The following SMOC2 variants were observed in gnomAD, a reference collection of about 807,000 sequenced individuals.
SMOC2 encodes the protein SPARC related modular calcium binding 2, also known as SPARC-related modular calcium-binding protein 2.
SMOC2 carries 39 observed loss-of-function variants against 61.4 expected under a neutral mutation model. The observed-to-expected ratio is 0.64, with a 90% confidence interval of 0.49 to 0.83. The LOEUF is 0.83. Among genes scored for constraint, SMOC2 ranks in the 40% least tolerant of loss-of-function variants. SMOC2 has a pLI of 0.00. For synonymous variants in SMOC2, 247 were observed against 239.9 expected (o/e 1.03, Z -0.27); for missense variants, 556 against 592.9 (o/e 0.94, Z 0.65).
intron 7 of SMOC2, among the ~76,000 whole-genome samples, chr6:168,567,592 A>G (rs899185892): frequency 1.3e-5 from 2 of 152,130 alleles, no homozygotes; most frequent in African/African-American, 2.4e-5. Context: ...TGAGTTTCCA[A>G]TGGTATCTTG....
chr6:168,534,486 C>T (rs1419992162), intron 4 of SMOC2, among the ~76,000 whole-genome samples: 1 of 152,212 alleles, frequency 6.6e-6, no homozygotes, highest in Non-Finnish European at 1.5e-5. Flanking sequence ...CCTGGCCCTT[C>T]CCTGGGTGAT....
Position 168,509,993 on chromosome 6 carries a change from T to C in SMOC2, c.163T>C (p.Ser55Pro). The change falls in exon 2 of 13, where the codon TCT (serine) becomes CCT (proline). Residue 55 changes from serine (S) to proline (P), a missense_variant. Physicochemically the swap from Ser to Pro is moderately conservative, Grantham distance 74. Transcript: ENST00000356284. Reference protein sequence around the residue: ...AGSPQKPLCASDGRTFLSRCE... With the variant: ...AGSPQKPLCAPDGRTFLSRCE... The stretch of plus-strand genomic sequence containing the variant: ...TTCGCCCCAGAAACCTCTCTGCGCA[T>C]CTGACGGAAGGACCTTCCTTTCCCG... 1 of 1,614,192 alleles carries C rather than the reference T, an allele frequency of 6.2e-7. No individual in the cohort carries two copies. Among genetic ancestry groups the C allele is most frequent in the South Asian group, 1.1e-5 (1 of 91,078 alleles).
chr6:168,471,695 A>G (rs1781971209), intron 1 of SMOC2, among the ~76,000 whole-genome samples: 1 of 152,180 alleles, frequency 6.6e-6, no homozygotes, highest in South Asian at 2.1e-4. Context: ...TTTTCTTCAC[A>G]TTCTCACCAA....
chr6:168,516,071 T>C (rs1272795811), intron 2 of SMOC2, among the ~76,000 whole-genome samples: 1 of 152,140 alleles, frequency 6.6e-6, no homozygotes, highest in Non-Finnish European at 1.5e-5. Flanking sequence ...TTTACATTTT[T>C]GGTGGGTGAT....
intron 1 of SMOC2, among the ~76,000 whole-genome samples, chr6:168,485,002 G>A (rs12173548): frequency 0.13 from 19,194 of 152,166 alleles, 2,413 homozygotes; most frequent in East Asian, 0.39. Flanking sequence ...CAAGTTGGAA[G>A]TGGTTCTGGA....
intron 1 of SMOC2, among the ~76,000 whole-genome samples, chr6:168,461,649 A>C (rs1334316582): frequency 6.6e-6 from 1 of 152,202 alleles, no homozygotes; most frequent in Non-Finnish European, 1.5e-5. Flanking sequence ...ATGTTAATTA[A>C]AATCTTGACT....
chr6:168,615,199 C>T, intron 9 of SMOC2, among the ~76,000 whole-genome samples: 1 of 84,326 alleles, frequency 1.2e-5, no homozygotes. Flanking sequence ...ACAGCCAGCA[C>T]AGGGCCTCTT....
chr6:168,450,039 A>G (rs1202132797), intron 1 of SMOC2, among the ~76,000 whole-genome samples: 1 of 145,376 alleles, frequency 6.9e-6, no homozygotes, highest in Non-Finnish European at 1.6e-5. Context: ...GTGCTTATCT[A>G]TCAGGAGGAG....
At chr6:168,648,077 A>G (rs560190048) in intron 9 of SMOC2, among the ~76,000 whole-genome samples, 1 of 151,894 alleles carries the variant, frequency 6.6e-6, no homozygotes, top group East Asian at 1.9e-4. Context: ...GCCAAAAAAA[A>G]TCCCCCTGGG....
At chr6:168,644,475 A>G (rs1163134722) in intron 9 of SMOC2, among the ~76,000 whole-genome samples, 1 of 152,134 alleles carries the variant, frequency 6.6e-6, no homozygotes, top group East Asian at 1.9e-4. Flanking sequence ...TTTTTCTACC[A>G]GAAGACAGAT....
chr6:168,541,051 A>G (rs1783867333), intron 4 of SMOC2, among the ~76,000 whole-genome samples: 2 of 152,216 alleles, frequency 1.3e-5, no homozygotes, highest in Admixed American at 1.3e-4. Flanking sequence ...CTGGATTTGA[A>G]CCAAGTGCTC....
At chr6:168,471,690 T>C (rs73270982) in intron 1 of SMOC2, among the ~76,000 whole-genome samples, 6,452 of 152,328 alleles carry the variant, frequency 0.042, 403 homozygotes, top group African/African-American at 0.14. Context: ...CTCTGTTTTC[T>C]TCACATTCTC....
At chr6:168,559,589 C>T (rs1438797150) in intron 7 of SMOC2, among the ~76,000 whole-genome samples, 1 of 152,154 alleles carries the variant, frequency 6.6e-6, no homozygotes, top group Non-Finnish European at 1.5e-5. Context: ...ATTAATATGG[C>T]CCATGAATAA....
intron 2 of SMOC2, among the ~76,000 whole-genome samples, chr6:168,515,511 A>AT (rs1783108750): frequency 6.7e-6 from 1 of 150,108 alleles, no homozygotes; most frequent in Non-Finnish European, 1.5e-5. Flanking sequence ...GCTGCCTTTG[A>AT]AAAGGGGCTC....
At position 168,454,263 on chromosome 6, in the gene SMOC2, A is replaced by C. The variant is rs1781530369; in HGVS notation, c.84+12809A>C. ...CCCCCAGGAAGGATGAGGAGGCCCA[A>C]GGGCTCTGTGGCTCTGAGAGCTGAG... On this transcript the variant is annotated intron_variant, in intron 1 of 12. Coordinates refer to ENST00000356284, the MANE Select transcript of SMOC2 (RefSeq NM_001166412.2). 2.6e-5 allele frequency among the ~76,000 whole-genome samples: 4 copies of C among 152,120 alleles called. No homozygotes were observed. In the South Asian group the frequency reaches 8.3e-4, roughly 32 times the overall value.
At chr6:168,456,029 A>G (rs1157483762) in intron 1 of SMOC2, among the ~76,000 whole-genome samples, 1 of 152,038 alleles carries the variant, frequency 6.6e-6, no homozygotes, top group Non-Finnish European at 1.5e-5. Context: ...CTCTGACTGC[A>G]GACGCCTCAT....
Position 168,536,007 on chromosome 6 carries a change from A to C in SMOC2, c.464-7618A>C, listed in dbSNP as rs780543990. ...CCGTTCTCTCTGGATTCTGGCTCGA[A>C]TTTTCACACGTGCCAACCTCACTCG... On this transcript the variant is annotated intron_variant, in intron 4 of 12. Coordinates refer to ENST00000356284, the MANE Select transcript of SMOC2 (RefSeq NM_001166412.2). 5.1e-4 allele frequency among the ~76,000 whole-genome samples: 77 copies of C among 152,226 alleles called. 1 individual carries two copies. Among genetic ancestry groups the C allele is most frequent in the Non-Finnish European group, 3.5e-4 (24 of 68,046 alleles).
rs145238362 is a variant in SMOC2 at position 168,445,876 on chromosome 6, CAA to C, written c.84+4423_84+4424del. Reference sequence around the variant, plus strand: ...CACTATAAGCAATTGCAGTCCCTAACAAGACCATGCAGCCAATGGGCATGGAT... The same window carrying C: ...CACTATAAGCAATTGCAGTCCCTAACGACCATGCAGCCAATGGGCATGGAT... On this transcript the variant is annotated intron_variant, in intron 1 of 12. Transcript: ENST00000356284. 9.7e-3 allele frequency among the ~76,000 whole-genome samples: 1,478 copies of C among 152,296 alleles called. 9 individuals are homozygous for C. Among genetic ancestry groups the C allele is most frequent in the Non-Finnish European group, 0.014 (978 of 68,020 alleles).
chr6:168,441,468 C>G lies in SMOC2; in HGVS notation c.84+14C>G. On this transcript the variant is annotated intron_variant, in intron 1 of 12. Coordinates refer to ENST00000356284, the MANE Select transcript of SMOC2 (RefSeq NM_001166412.2). ...TCGGCGCTCACGGTAAGCCCGGGCC[C>G]GCGGGACCTGGAGCTCAAGTGGTGC... 6.7e-7 allele frequency: 1 copy of G among 1,490,318 alleles called. No homozygotes were observed. The highest frequency in any genetic ancestry group is 8.9e-7 in the Non-Finnish European group (1 of 1,123,986). The allele number at this position is 1,490,318 out of a possible 1,614,324, so 92.3% of individuals were successfully genotyped here.
Sources: allele counts gnomAD v4.1 joint callset (sites outside exome capture counted in the v4.1 genomes callset), GRCh38; gene constraint gnomAD v4.1.1; transcripts MANE v1.5; gene names NCBI Gene and HGNC (gene_info 2026-07-23, HGNC 2026-07-21).